Variants in ARSF observed in about 807,000 individuals in gnomAD.
ARSF encodes the protein arylsulfatase F.
A neutral mutation model predicts 35.4 loss-of-function variants in ARSF; 33 were observed. That is an observed-to-expected ratio of 0.93 (90% CI 0.71 to 1.25). The LOEUF (loss-of-function observed/expected upper bound fraction) is 1.25. ARSF is among the 50% of genes most tolerant of loss of function. The pLI is 0.00. For synonymous variants in ARSF, 222 were observed against 193.1 expected, an observed-to-expected ratio of 1.15 and a Z score of -1.24; for missense variants, 501 against 480.2, an observed-to-expected ratio of 1.04 and a Z score of -0.40.
At chrX:3,091,601 G>A (rs1014272411) in intron 7 of ARSF, among the ~76,000 whole-genome samples, 1 of 112,287 alleles carries the variant, frequency 8.9e-6, no homozygotes, top group African/African-American at 3.2e-5. Flanking sequence ...AAGCCAATTT[G>A]CATAGTCTTA....
chrX:3,086,957 G>A (rs758987728), intron 6 of ARSF, among the ~76,000 whole-genome samples: 1 of 112,110 alleles, frequency 8.9e-6, no homozygotes, highest in South Asian at 3.8e-4. Flanking sequence ...ACTTCTAGGG[G>A]TTCTAGGGGA....
At chrX:3,092,821 T>G (rs987409189) in intron 7 of ARSF, among the ~76,000 whole-genome samples, 2 of 112,375 alleles carry the variant, frequency 1.8e-5, no homozygotes, top group African/African-American at 6.5e-5. Context: ...GCTTTTCTTA[T>G]TAGAAAAGTT....
In ARSF at chrX:3,049,187, C is replaced by T. The variant is rs755554124; in HGVS notation, c.-29+7524C>T. ...TACATTTTAGGGAGACATGAGATAT[C>T]GATCAATACATGTAAGACGTACATT... On this transcript the variant is annotated intron_variant, in intron 1 of 10. Transcript: ENST00000381127. 1.3e-3 allele frequency among the ~76,000 whole-genome samples: 144 copies of T among 112,501 alleles called. 1 individual carries two copies. Among genetic ancestry groups the T allele is most frequent in the Non-Finnish European group, 1.6e-3 (86 of 53,319 alleles).
intron 2 of ARSF, among the ~76,000 whole-genome samples, chrX:3,069,568 C>T (rs112994611): frequency 0.029 from 3,199 of 110,707 alleles, 38 homozygotes; most frequent in Middle Eastern, 0.069. Flanking sequence ...TGCCTCAGCC[C>T]CCCAAAGAGC....
At chrX:3,056,208 G>A (rs1423921999) in intron 1 of ARSF, among the ~76,000 whole-genome samples, 1 of 110,231 alleles carries the variant, frequency 9.1e-6, no homozygotes, top group Admixed American at 9.7e-5. Context: ...CAATCTGCCT[G>A]TCTCAACCTC....
intron 5 of ARSF, 122 bp from the exon 6 acceptor site, chrX:3,084,121 T>C: frequency 1.2e-6 from 1 of 850,920 alleles, no homozygotes; most frequent in Non-Finnish European, 1.7e-6. Context: ...AGAATATCTC[T>C]GCTACTTTAT....
intron 6 of ARSF, among the ~76,000 whole-genome samples, chrX:3,088,510 G>T (rs770328678): frequency 1.8e-4 from 20 of 110,808 alleles, no homozygotes; most frequent in East Asian, 1.4e-3. Flanking sequence ...GCAGAGAAAG[G>T]TTTAATAATT....
intron 3 of ARSF, 79 bp downstream of exon 3, chrX:3,072,254 G>A: frequency 7.8e-6 from 8 of 1,031,408 alleles, no homozygotes; most frequent in Non-Finnish European, 1.0e-5. Flanking sequence ...GCATCTATGT[G>A]CAAAACCAAA....
rs961998782 is a variant in ARSF at position 3,084,145 on chromosome X, C to CTGAT, written c.407-95_407-92dup. On this transcript the variant is annotated intron_variant, in intron 5 of 10. Coordinates refer to ENST00000381127, the MANE Select transcript of ARSF (RefSeq NM_001201539.2). ...CTGCTACTTTATTTTTGTGTATTAG[C>CTGAT]TGATTGTTTCACGTGAAGAATGCTC... 3 of 969,177 alleles carry CTGAT rather than the reference C, an allele frequency of 3.1e-6. No individual in the cohort carries two copies. The African/African-American group carries it at 5.7e-5, about 19-fold the overall frequency. The allele number at this position is 969,177 out of a possible 1,213,427, so 79.9% of individuals were successfully genotyped here. A position where few individuals can be genotyped will look rare whatever the true frequency, so the allele number is the denominator to read the frequency against.
intron 1 of ARSF, among the ~76,000 whole-genome samples, chrX:3,050,468 C>T (rs1360499787): frequency 9.2e-6 from 1 of 108,613 alleles, no homozygotes; most frequent in Non-Finnish European, 1.9e-5. Flanking sequence ...ATCGCTTGAA[C>T]CCAGGAGGCA....
intron 9 of ARSF, among the ~76,000 whole-genome samples, chrX:3,107,812 A>T (rs1344028917): frequency 1.8e-5 from 2 of 111,497 alleles, no homozygotes; most frequent in Non-Finnish European, 3.8e-5. Flanking sequence ...CAGAAGTTTT[A>T]CATTTTGATA....
chrX:3,090,108 G>A (rs2090278353), intron 7 of ARSF, among the ~76,000 whole-genome samples: 1 of 110,982 alleles, frequency 9.0e-6, no homozygotes, highest in Non-Finnish European at 1.9e-5. Context: ...AGTATCTATT[G>A]TACTGATCTG....
At chrX:3,082,066 C>T (rs1466778195) in intron 5 of ARSF, among the ~76,000 whole-genome samples, 1 of 111,473 alleles carries the variant, frequency 9.0e-6, no homozygotes, top group Non-Finnish European at 1.9e-5. Context: ...TGATGGGGCC[C>T]TCACCACATA....
At chrX:3,072,651 TTA>T (rs767785976) in intron 3 of ARSF, among the ~76,000 whole-genome samples, 35 of 110,780 alleles carry the variant, frequency 3.2e-4, no homozygotes, top group African/African-American at 1.1e-3. Flanking sequence ...ATCCCTGAGT[TTA>T]TGTGTGTAAA....
At chrX:3,059,181 G>A (rs765538386) in intron 1 of ARSF, among the ~76,000 whole-genome samples, 6 of 111,413 alleles carry the variant, frequency 5.4e-5, no homozygotes, top group Admixed American at 9.6e-5. Flanking sequence ...TTGAAAATGC[G>A]GCCAGGCACG....
chrX:3,092,152 A>G (rs1477162860), intron 7 of ARSF, among the ~76,000 whole-genome samples: 5 of 100,389 alleles, frequency 5.0e-5, no homozygotes, highest in Non-Finnish European at 1.0e-4. Flanking sequence ...CGTAGATGAT[A>G]GGTAGGTAGA....
chrX:3,068,169 T>C, intron 2 of ARSF, 58 bp downstream of exon 2: 1 of 1,091,448 alleles, frequency 9.2e-7, no homozygotes, highest in South Asian at 2.2e-5. Context: ...TAATTCTGTG[T>C]ATTTGTGAAT....
intron 4 of ARSF, among the ~76,000 whole-genome samples, chrX:3,079,970 C>CAAAAAAAAAAAAAAAAAAAAAAA (rs1224175073): frequency 3.5e-5 from 1 of 28,406 alleles, no homozygotes; most frequent in Non-Finnish European, 5.6e-5. Context: ...ACAACAACAA[C>CAAAAAAAAAAAAAAAAAAAAAAA]AAAAAAAAAA....
chrX:3,098,612 T>C (rs1309983071), intron 7 of ARSF, among the ~76,000 whole-genome samples: 1 of 111,262 alleles, frequency 9.0e-6, no homozygotes, highest in East Asian at 2.8e-4. Context: ...CCGTGTAAGA[T>C]GTGCCTTTCA....
Sources: allele counts gnomAD v4.1 joint callset (sites outside exome capture counted in the v4.1 genomes callset), GRCh38; gene constraint gnomAD v4.1.1; transcripts MANE v1.5; gene names NCBI Gene and HGNC (gene_info 2026-07-23, HGNC 2026-07-21).